FNIP2: variants seen among roughly 807,000 people sequenced by gnomAD.
FNIP2 encodes folliculin-interacting protein 2.
Under a neutral mutation model 108.7 loss-of-function variants are expected in FNIP2, and 32 were observed. The observed-to-expected ratio is 0.29, with a 90% confidence interval of 0.22 to 0.40. The LOEUF (loss-of-function observed/expected upper bound fraction) is 0.40. FNIP2 is among the 10% of genes least tolerant of loss of function. FNIP2 has a pLI of 1.00. For missense variants in FNIP2, 1,202 were observed against 1,381.6 expected (o/e 0.87, Z 2.06); for synonymous variants, 480 against 496.7 (o/e 0.97, Z 0.45).
intron 1 of FNIP2, among the ~76,000 whole-genome samples, chr4:158,802,551 T>C (rs1201201544): frequency 6.6e-6 from 1 of 152,224 alleles, no homozygotes; most frequent in East Asian, 1.9e-4. Context: ...AATTTTTCAT[T>C]ACATATCATG....
chr4:158,799,267 A>G (rs1776685679), intron 1 of FNIP2, among the ~76,000 whole-genome samples: 1 of 152,232 alleles, frequency 6.6e-6, no homozygotes, highest in Admixed American at 6.5e-5. Context: ...TTAACAGAAG[A>G]TTTAATTATG....
chr4:158,856,165 G>A (rs775788998), intron 8 of FNIP2, among the ~76,000 whole-genome samples: 15 of 152,114 alleles, frequency 9.9e-5, no homozygotes, highest in Admixed American at 2.0e-4. Flanking sequence ...AAACCCTAAA[G>A]AGCAAGGTGT....
intron 1 of FNIP2, among the ~76,000 whole-genome samples, chr4:158,789,716 A>G (rs927211557): frequency 6.6e-6 from 1 of 152,220 alleles, no homozygotes; most frequent in Non-Finnish European, 1.5e-5. Context: ...AGGAGCTAAC[A>G]GTACAGATGA....
intron 1 of FNIP2, among the ~76,000 whole-genome samples, chr4:158,770,070 T>TTA (rs1775644993): frequency 6.6e-6 from 1 of 152,316 alleles, no homozygotes; most frequent in South Asian, 2.1e-4. Context: ...GTGGGTGCTA[T>TTA]TATAATTCCC....
chr4:158,854,446 G>T (rs537878716), intron 8 of FNIP2, among the ~76,000 whole-genome samples: 2 of 152,300 alleles, frequency 1.3e-5, no homozygotes, highest in South Asian at 4.1e-4. Flanking sequence ...TTCTAACACC[G>T]TGTCCTGCCC....
At chr4:158,811,875 A>G (rs1777292590) in intron 1 of FNIP2, among the ~76,000 whole-genome samples, 1 of 152,230 alleles carries the variant, frequency 6.6e-6, no homozygotes, top group African/African-American at 2.4e-5. Context: ...ATCTTTTCCC[A>G]TGTGAGCGAA....
intron 5 of FNIP2, 135 bp downstream of exon 5, chr4:158,832,273 A>G (rs1778529248): frequency 1.5e-6 from 1 of 682,310 alleles, no homozygotes; most frequent in African/African-American, 1.8e-5. Context: ...GGGCTTTAAA[A>G]GTGGCTACTG....
chr4:158,778,788 T>A (rs1578813483), intron 1 of FNIP2, among the ~76,000 whole-genome samples: 1 of 152,256 alleles, frequency 6.6e-6, no homozygotes, highest in African/African-American at 2.4e-5. Flanking sequence ...AAGAGGGCAC[T>A]ACTGTAATTT....
At chr4:158,796,307 G>A (rs1776590326) in intron 1 of FNIP2, among the ~76,000 whole-genome samples, 1 of 152,144 alleles carries the variant, frequency 6.6e-6, no homozygotes, top group South Asian at 2.1e-4. Flanking sequence ...GGTGTTGAAA[G>A]GGGATTTATG....
At chr4:158,860,066 A>G (rs2126676080) in intron 10 of FNIP2, among the ~76,000 whole-genome samples, 1 of 152,342 alleles carries the variant, frequency 6.6e-6, no homozygotes, top group South Asian at 2.1e-4. Context: ...TGTCGGGAAG[A>G]CATACATTCC....
chr4:158,836,080 A>G (rs1013808306), intron 7 of FNIP2: 7 of 152,426 alleles, frequency 4.6e-5, no homozygotes, highest in Non-Finnish European at 2.9e-5. Context: ...CAAGGACTGG[A>G]GGTGGTGTGT....
rs562557556 is a variant in FNIP2, at chr4:158,825,765, A to C, written c.108-151A>C. 5.4e-6 allele frequency: 5 copies of C among 928,082 alleles called. No individual in the cohort carries two copies. In the East Asian group the frequency reaches 1.4e-4, roughly 26 times the overall value. The allele number at this position is 928,082 out of a possible 1,614,324, so 57.5% of individuals were successfully genotyped here. On this transcript the variant is annotated intron_variant, in intron 1 of 16. Transcript: ENST00000264433. ...ATACAAGGCTATCTGTCCCAGGCTCACTGGTGCCCCAGTTCTGAGGGGATC... is the reference window on the plus strand; with the variant it reads ...ATACAAGGCTATCTGTCCCAGGCTCCCTGGTGCCCCAGTTCTGAGGGGATC...
chr4:158,827,520 G>T (rs188355179), intron 2 of FNIP2, among the ~76,000 whole-genome samples: 2 of 152,280 alleles, frequency 1.3e-5, no homozygotes, highest in Non-Finnish European at 2.9e-5. Flanking sequence ...GGCTACAAAA[G>T]AATCCAGTCA....
At chr4:158,805,862 G>C (rs951844667) in intron 1 of FNIP2, among the ~76,000 whole-genome samples, 5 of 152,188 alleles carry the variant, frequency 3.3e-5, no homozygotes, top group African/African-American at 1.2e-4. Context: ...GTCAGTCCAA[G>C]CTGCTCAACC....
Position 158,821,537 on chromosome 4 carries a change from A to G in FNIP2, c.108-4379A>G, listed in dbSNP as rs546388685. The stretch of plus-strand genomic sequence containing the variant: ...AGAAGTGAATGTGAATATGAAGAGA[A>G]TATGTGTGCCATGGAGCTACCAATA... On this transcript the variant is annotated intron_variant, in intron 1 of 16. Transcript: ENST00000264433. 7.2e-5 allele frequency among the ~76,000 whole-genome samples: 11 copies of G among 152,358 alleles called. No homozygotes were observed. In the South Asian group the frequency reaches 2.3e-3, roughly 32 times the overall value.
intron 1 of FNIP2, among the ~76,000 whole-genome samples, chr4:158,796,502 A>G (rs1019511503): frequency 6.6e-6 from 1 of 151,718 alleles, no homozygotes; most frequent in African/African-American, 2.4e-5. Flanking sequence ...GGGAGGGAAG[A>G]TGGGGTGGGA....
chr4:158,803,510 G>T (rs1776831985), intron 1 of FNIP2, among the ~76,000 whole-genome samples: 1 of 152,214 alleles, frequency 6.6e-6, no homozygotes, highest in Non-Finnish European at 1.5e-5. Flanking sequence ...TGGTTGTGAT[G>T]ATACAATTAT....
At chr4:158,835,508 C>T (rs779221706) in intron 7 of FNIP2, 32 bp downstream of exon 7, 4 of 1,585,898 alleles carry the variant, frequency 2.5e-6, no homozygotes, top group Admixed American at 1.7e-5. Flanking sequence ...GTTTAACTAA[C>T]AGAGTGAACT....
At chr4:158,834,288 T>TTTCTCTCTCTCTCTC (rs1553959296) in intron 6 of FNIP2, 1 of 63,220 alleles carries the variant, frequency 1.6e-5, no homozygotes, top group Non-Finnish European at 2.9e-5. Flanking sequence ...CATGGAAGAC[T>TTTCTCTCTCTCTCTC]TCTCTCTCTC....
Sources: gnomAD v4.1 joint callset for allele counts (sites outside exome capture counted in the v4.1 genomes callset) on GRCh38, gnomAD v4.1.1 for gene constraint, MANE v1.5 for transcripts, NCBI Gene and HGNC (gene_info 2026-07-23, HGNC 2026-07-21) for gene names.